TAMM41: variants seen among roughly 807,000 people sequenced by gnomAD.
TAMM41 encodes TAM41 mitochondrial translocator assembly and maintenance homolog.
In TAMM41, 36 loss-of-function variants were observed where a neutral mutation model predicts 44.1. The observed-to-expected ratio is 0.82, with a 90% CI of 0.63 to 1.08. TAMM41 has a LOEUF of 1.08. TAMM41 is among the 50% of genes least tolerant of loss of function. The probability of loss-of-function intolerance (pLI) is 0.00; values close to 1 mark genes in which losing one functional copy is unlikely to be tolerated. For missense variants in TAMM41, 417 were observed against 404.3 expected (o/e 1.03, Z -0.27); for synonymous variants, 164 against 153.1 (o/e 1.07, Z -0.53).
chr3:11,806,545 A>C (rs1274296276), intron 7 of TAMM41, among the ~76,000 whole-genome samples: 3 of 152,200 alleles, frequency 2.0e-5, no homozygotes, highest in Admixed American at 6.5e-5. Flanking sequence ...AAATCTTCCA[A>C]AGCAGAGCAA....
chr3:11,808,081 C>A (rs1011323965), intron 6 of TAMM41, 186 bp from the exon 7 acceptor site: 3 of 1,229,216 alleles, frequency 2.4e-6, no homozygotes, highest in Non-Finnish European at 3.3e-6. Context: ...GAGACCAGAG[C>A]AGCCAGCCGT....
chr3:11,809,675 T>G lies in TAMM41; in HGVS notation c.716A>C (p.Lys239Thr), dbSNP rs901412042. 2 of 1,610,360 alleles carry G rather than the reference T, an allele frequency of 1.2e-6. No individual in the cohort carries two copies. Among genetic ancestry groups the G allele is most frequent in the Non-Finnish European group, 1.7e-6 (2 of 1,179,348 alleles). Residue 239 changes from lysine (K) to threonine (T), a missense_variant, in exon 6 of 8, where the codon AAA becomes ACA. By Grantham distance (78) the Lys-to-Thr change is moderately conservative. Transcript: ENST00000455809. ...CTGAGTGAACTGTCCTTCTGGGCTT[T>G]TATCTATCTGAAGGGAGGAAAAAAA... Reference protein sequence around the residue: ...KSQQGWLEIDKSPEGQFTQLM... With the variant: ...KSQQGWLEIDTSPEGQFTQLM...
At chr3:11,835,995 T>C (rs2079157606) in intron 3 of TAMM41, among the ~76,000 whole-genome samples, 1 of 151,404 alleles carries the variant, frequency 6.6e-6, no homozygotes, top group South Asian at 2.1e-4. Context: ...TTTTCCTTTT[T>C]TTTTTTTTTT....
chr3:11,809,645 A>G lies in TAMM41; in HGVS notation c.746T>C (p.Met249Thr). The G allele has an allele frequency of 6.2e-7, 1 of 1,614,102 alleles. No homozygotes were observed. Among genetic ancestry groups the G allele is most frequent in the Non-Finnish European group, 8.5e-7 (1 of 1,180,004 alleles). ...TTGCTGTAAGGTTTTGGGCAATGTC[A>G]TCAGCTGAGTGAACTGTCCTTCTGG... is the stretch of plus-strand genomic sequence containing the variant. ...KSPEGQFTQL[M>T]TLPKTLQQQI... Residue 249 changes from methionine to threonine, a missense_variant, in exon 6 of 8, where the codon ATG becomes ACG. Transcript: ENST00000455809.
At chr3:11,800,877 A>G (rs2077731820) in intron 7 of TAMM41, among the ~76,000 whole-genome samples, 1 of 152,142 alleles carries the variant, frequency 6.6e-6, no homozygotes, top group Non-Finnish European at 1.5e-5. Flanking sequence ...AGCACATAAA[A>G]CATTCTTCAA....
chr3:11,726,714 A>G, the TAMM41 span, among the ~76,000 whole-genome samples: 2 of 151,444 alleles, frequency 1.3e-5, no homozygotes, highest in Non-Finnish European at 2.9e-5. Flanking sequence ...GAGGCAGGAG[A>G]ATTGCTTGAA....
intron 3 of TAMM41, among the ~76,000 whole-genome samples, chr3:11,835,074 CAAT>C (rs1346234663): frequency 5.9e-5 from 9 of 152,158 alleles, no homozygotes; most frequent in African/African-American, 1.9e-4. Flanking sequence ...GGGCTTTAGA[CAAT>C]GTAATTTAAT....
chr3:11,807,271 A>G lies in TAMM41; in HGVS notation c.937+562T>C, dbSNP rs1418165234. 2.8e-6 allele frequency: 4 copies of G among 1,434,568 alleles called. No homozygotes were observed. The Admixed American group carries it at 1.2e-4, about 42-fold the overall frequency. 88.9% of individuals were successfully genotyped at this position (1,434,568 alleles called of 1,614,324 possible). A position where few individuals can be genotyped will look rare whatever the true frequency, so the allele number is the denominator to read the frequency against. ...AACTAATTAGCCAAAACCACCAGACAACTATATTAGGAGGACAGAGGGATG... is the reference window on the plus strand; with the variant it reads ...AACTAATTAGCCAAAACCACCAGACGACTATATTAGGAGGACAGAGGGATG... On this transcript the variant is annotated intron_variant, in intron 7 of 7. Transcript: ENST00000455809.
At position 11,817,298 on chromosome 3, in the gene TAMM41, A is replaced by G. The variant is rs893304055; in HGVS notation, c.602T>C (p.Val201Ala). ...RMVVGEDKTK[V>A]LNIVKPNIAH... ...TATATTGGGCTTCACAATATTCAAC[A>G]CTTTTGTTTTATCTTCTCCAACCAC... The change falls in exon 5 of 8, where the codon GTG (valine) becomes GCG (alanine). Residue 201 changes from valine (V) to alanine (A), a missense_variant. Coordinates refer to ENST00000455809, the MANE Select transcript of TAMM41 (RefSeq NM_001284401.2). 6 of 1,612,262 alleles carry G rather than the reference A, an allele frequency of 3.7e-6. No homozygotes were observed. The highest frequency in any genetic ancestry group is 1.3e-5 in the African/African-American group (1 of 75,002).
At chr3:11,731,207 T>C in the TAMM41 span, among the ~76,000 whole-genome samples, 5 of 152,230 alleles carry the variant, frequency 3.3e-5, no homozygotes, top group Non-Finnish European at 5.9e-5. Flanking sequence ...TTGATATATA[T>C]AACTAAATGA....
chr3:11,844,357 G>A, intron 1 of TAMM41, 146 bp from the exon 2 acceptor site: 1 of 684,016 alleles, frequency 1.5e-6, no homozygotes, highest in Non-Finnish European at 2.4e-6. Context: ...CGAGTCTCTG[G>A]AACAAATATG....
the TAMM41 span, among the ~76,000 whole-genome samples, chr3:11,784,796 C>CTTTTT: frequency 2.6e-3 from 284 of 108,894 alleles, no homozygotes; most frequent in Non-Finnish European, 3.6e-3. Context: ...CTTTTCTTTT[C>CTTTTT]TTTTTTTTTT....
At chr3:11,722,958 G>A in the TAMM41 span, among the ~76,000 whole-genome samples, 9 of 151,596 alleles carry the variant, frequency 5.9e-5, no homozygotes, top group East Asian at 3.9e-4. Flanking sequence ...GTGAGACTCC[G>A]TCTCAAAACA....
At chr3:11,784,338 A>G in the TAMM41 span, among the ~76,000 whole-genome samples, 7 of 152,174 alleles carry the variant, frequency 4.6e-5, no homozygotes, top group Non-Finnish European at 8.8e-5. Context: ...TACTAACAAT[A>G]CAAAAAATTA....
chr3:11,769,678 G>C, the TAMM41 span, among the ~76,000 whole-genome samples: 4 of 152,226 alleles, frequency 2.6e-5, no homozygotes, highest in Admixed American at 2.0e-4. Context: ...TTAGACTAAG[G>C]TGGGAATGAA....
At chr3:11,825,672 C>T (rs1379291949) in intron 4 of TAMM41, among the ~76,000 whole-genome samples, 4 of 152,162 alleles carry the variant, frequency 2.6e-5, no homozygotes, top group Non-Finnish European at 5.9e-5. Flanking sequence ...TAAAGAAACC[C>T]ATTCTCTCTC....
chr3:11,835,274 G>A (rs2079131230), intron 3 of TAMM41, among the ~76,000 whole-genome samples: 1 of 151,896 alleles, frequency 6.6e-6, no homozygotes, highest in Non-Finnish European at 1.5e-5. Context: ...CATCATTCTG[G>A]TTAACAGTGA....
intron 3 of TAMM41, chr3:11,832,939 G>T: frequency 1.0e-6 from 1 of 980,224 alleles, no homozygotes; most frequent in Non-Finnish European, 1.2e-6. Flanking sequence ...GTTCTACATA[G>T]GCTGTAAGAA....
intron 7 of TAMM41, among the ~76,000 whole-genome samples, chr3:11,805,304 T>A (rs1011296129): frequency 6.6e-6 from 1 of 152,052 alleles, no homozygotes; most frequent in Non-Finnish European, 1.5e-5. Flanking sequence ...ATCCAGCCTA[T>A]TTTTTCTATT....
Sources: gnomAD v4.1 joint callset for allele counts (sites outside exome capture counted in the v4.1 genomes callset) on GRCh38, gnomAD v4.1.1 for gene constraint, MANE v1.5 for transcripts, NCBI Gene and HGNC (gene_info 2026-07-23, HGNC 2026-07-21) for gene names.